The following DLG2 variants were observed in gnomAD, a reference collection of about 807,000 sequenced individuals.
DLG2 encodes discs large MAGUK scaffold protein 2.
Under a neutral mutation model 132.5 loss-of-function variants are expected in DLG2, and 45 were observed. The observed-to-expected ratio is 0.34, with a 90% CI of 0.27 to 0.44. The LOEUF is 0.44. Among genes scored for constraint, DLG2 ranks in the 20% least tolerant of loss-of-function variants. The pLI is 1.00. For missense variants in DLG2, 1,045 were observed against 1,196.9 expected (o/e 0.87, Z 1.87); for synonymous variants, 424 against 419.6 (o/e 1.01, Z -0.13).
chr11:84,259,986 C>A (rs34772303), intron 7 of DLG2, among the ~76,000 whole-genome samples: 8,275 of 152,206 alleles, frequency 0.054, 307 homozygotes, highest in Non-Finnish European at 0.077. Context: ...TATCCTTGAA[C>A]ACTCACCATT....
chr11:85,241,211 G>C (rs1234224399), intron 4 of DLG2, among the ~76,000 whole-genome samples: 1 of 151,478 alleles, frequency 6.6e-6, no homozygotes, highest in Non-Finnish European at 1.5e-5. Flanking sequence ...GTAATGTTTA[G>C]ACATGAAGTT....
intron 7 of DLG2, among the ~76,000 whole-genome samples, chr11:84,533,666 T>C (rs564415062): frequency 1.3e-5 from 2 of 152,154 alleles, no homozygotes; most frequent in Non-Finnish European, 2.9e-5. Context: ...GAGACACTTT[T>C]ATGTCTTTAT....
At chr11:85,422,184 G>T (rs1252226909) in intron 3 of DLG2, among the ~76,000 whole-genome samples, 12 of 152,138 alleles carry the variant, frequency 7.9e-5, no homozygotes, top group Non-Finnish European at 1.5e-4. Flanking sequence ...TTTTTGCAAT[G>T]AATTTCCCAG....
intron 6 of DLG2, among the ~76,000 whole-genome samples, chr11:84,937,455 G>C (rs575346229): frequency 7.2e-5 from 11 of 152,024 alleles, no homozygotes; most frequent in African/African-American, 2.7e-4. Flanking sequence ...TTTTCAGCAG[G>C]TACTTATAAA....
chr11:85,378,164 G>A (rs2085584024), intron 3 of DLG2, among the ~76,000 whole-genome samples: 1 of 152,014 alleles, frequency 6.6e-6, no homozygotes, highest in Non-Finnish European at 1.5e-5. Context: ...TCCTCCAAAA[G>A]GAGCTCAGTG....
chr11:85,609,848 G>A (rs542616694), intron 2 of DLG2, among the ~76,000 whole-genome samples: 98 of 152,278 alleles, frequency 6.4e-4, no homozygotes, highest in African/African-American at 1.4e-3. Flanking sequence ...GTTACCATCC[G>A]GGGAATCCTG....
At chr11:85,066,276 G>C (rs992269437) in intron 6 of DLG2, among the ~76,000 whole-genome samples, 7 of 151,410 alleles carry the variant, frequency 4.6e-5, no homozygotes, top group African/African-American at 1.5e-4. Flanking sequence ...AGGAGATCAA[G>C]AGCCAGTAGT....
intron 7 of DLG2, among the ~76,000 whole-genome samples, chr11:84,502,170 CTCTCTT>C (rs1467666282): frequency 8.2e-5 from 3 of 36,634 alleles, no homozygotes; most frequent in African/African-American, 2.0e-4. Flanking sequence ...TTCTCTCTCT[CTCTCTT>C]TCTCTCTCTT....
At chr11:83,912,227 CA>C (rs1418957405) in intron 15 of DLG2, among the ~76,000 whole-genome samples, 1 of 151,964 alleles carries the variant, frequency 6.6e-6, no homozygotes, top group Non-Finnish European at 1.5e-5. Flanking sequence ...AGGGACATCA[CA>C]AAAACCAAAA....
intron 11 of DLG2, among the ~76,000 whole-genome samples, chr11:84,028,600 T>C (rs1020436034): frequency 1.3e-5 from 2 of 152,110 alleles, no homozygotes; most frequent in South Asian, 2.1e-4. Context: ...CAATTACAGA[T>C]GAATTCTCTC....
intron 19 of DLG2, among the ~76,000 whole-genome samples, chr11:83,606,616 C>T (rs1299252159): frequency 6.8e-6 from 1 of 146,910 alleles, no homozygotes; most frequent in Non-Finnish European, 1.5e-5. Context: ...TACTTGAAAA[C>T]ATACGTTAGT....
intron 6 of DLG2, among the ~76,000 whole-genome samples, chr11:84,960,457 A>G (rs966384440): frequency 1.4e-5 from 2 of 147,630 alleles, no homozygotes; most frequent in African/African-American, 5.0e-5. Flanking sequence ...TTTTTTTGAG[A>G]TAGAGTCTGG....
chr11:84,169,821 C>T (rs2095775230), intron 8 of DLG2, among the ~76,000 whole-genome samples: 2 of 151,584 alleles, frequency 1.3e-5, no homozygotes, highest in South Asian at 2.1e-4. Flanking sequence ...TACAGTGAGC[C>T]GAGTTCACAT....
chr11:84,290,394 A>G (rs1208158372), intron 7 of DLG2, among the ~76,000 whole-genome samples: 1 of 152,164 alleles, frequency 6.6e-6, no homozygotes, highest in Non-Finnish European at 1.5e-5. Context: ...GTGTATGACC[A>G]AAAGAAAGCC....
chr11:85,162,792 G>A (rs535864077), intron 4 of DLG2, among the ~76,000 whole-genome samples: 38 of 152,246 alleles, frequency 2.5e-4, no homozygotes, highest in African/African-American at 7.0e-4. Context: ...GGAGATGTAC[G>A]TGGGTTCAAG....
intron 16 of DLG2, among the ~76,000 whole-genome samples, chr11:83,850,858 G>A (rs1487644982): frequency 6.6e-6 from 1 of 152,168 alleles, no homozygotes; most frequent in Non-Finnish European, 1.5e-5. Context: ...TGCATTATGT[G>A]TTGAATTTTG....
chr11:83,534,171 T>A (rs987792655), intron 20 of DLG2, among the ~76,000 whole-genome samples: 1 of 152,186 alleles, frequency 6.6e-6, no homozygotes, highest in East Asian at 1.9e-4. Context: ...ACAGTCTCCA[T>A]GTCAGCACTA....
At chr11:84,940,309 C>T (rs1214522308) in intron 6 of DLG2, among the ~76,000 whole-genome samples, 1 of 152,174 alleles carries the variant, frequency 6.6e-6, no homozygotes, top group African/African-American at 2.4e-5. Context: ...TGCCACCACA[C>T]CTGGCTAATC....
At chr11:84,812,266 ATGTTAC>A (rs1180944863) in intron 6 of DLG2, among the ~76,000 whole-genome samples, 1 of 152,178 alleles carries the variant, frequency 6.6e-6, no homozygotes, top group Non-Finnish European at 1.5e-5. Flanking sequence ...GATAAATAAA[ATGTTAC>A]TGTAAAATAC....
Sources: allele counts gnomAD v4.1 joint callset (sites outside exome capture counted in the v4.1 genomes callset), GRCh38; gene constraint gnomAD v4.1.1; transcripts MANE v1.5; gene names NCBI Gene and HGNC (gene_info 2026-07-23, HGNC 2026-07-21).